The following SLC25A23 variants were observed in gnomAD, a reference collection of about 807,000 sequenced individuals.
SLC25A23 encodes the protein mitochondrial adenyl nucleotide antiporter SLC25A23.
A neutral mutation model predicts 53.9 loss-of-function variants in SLC25A23; 32 were observed. The ratio of observed to expected loss-of-function variants is 0.59; its 90% CI spans 0.45 to 0.80. SLC25A23 has a LOEUF of 0.80. Among genes scored for constraint, SLC25A23 ranks in the 30% least tolerant of loss-of-function variants. The pLI is 0.00. For missense variants in SLC25A23, 575 were observed against 651.4 expected (o/e 0.88, Z 1.28); for synonymous variants, 275 against 264.5 (o/e 1.04, Z -0.38).
rs1342864992 is a variant in SLC25A23 at position 6,459,533 on chromosome 19, G to A, written c.96C>T (p.His32=). 3 of 1,598,814 alleles carry A rather than the reference G, an allele frequency of 1.9e-6. No homozygotes were observed. In the South Asian group the frequency reaches 3.3e-5, roughly 18 times the overall value. ...GCCTGGCCAGCCCCTGGCGCAACTC[G>A]TGCACGTCCACGCGGCCATCCTTGT... ...DSNKDGRVDV[H]ELRQGLARLG... is the part of the protein sequence containing the mutation. The change falls in exon 1 of 10, where the codon CAC becomes CAT. Residue 32 remains histidine, a synonymous_variant. Transcript: ENST00000301454. The surrounding 1 kb of genome is among the most constrained non-coding windows in gnomAD (Gnocchi z 4.6).
chr19:6,449,256 T>A (rs2092551740), intron 8 of SLC25A23, among the ~76,000 whole-genome samples: 1 of 109,878 alleles, frequency 9.1e-6, no homozygotes, highest in African/African-American at 6.1e-5. Flanking sequence ...TCTTTCTTTC[T>A]TTTTTTTTTT....
At chr19:6,448,556 C>T (rs866691443) in intron 8 of SLC25A23, among the ~76,000 whole-genome samples, 1 of 151,794 alleles carries the variant, frequency 6.6e-6, no homozygotes, top group African/African-American at 2.4e-5. Context: ...CAGCAAACTC[C>T]GCCTCCTGGG....
chr19:6,455,932 G>T, intron 4 of SLC25A23: 1 of 945,292 alleles, frequency 1.1e-6, no homozygotes, highest in Non-Finnish European at 1.5e-6. Flanking sequence ...TGTTAGCCAG[G>T]ATGGTCGCGA....
chr19:6,444,219 A>G lies in SLC25A23; in HGVS notation c.1154T>C (p.Ile385Thr), dbSNP rs1355896621. 6.3e-7 allele frequency: 1 copy of G among 1,592,254 alleles called. No homozygotes were observed. Among genetic ancestry groups the G allele is most frequent in the East Asian group, 2.3e-5 (1 of 43,648 alleles). The change falls in exon 9 of 10, where the codon ATA (isoleucine) becomes ACA (threonine). Residue 385 changes from isoleucine (I) to threonine (T), a missense_variant. Ile to Thr is a moderately conservative substitution (Grantham distance 89). Transcript: ENST00000301454. ...GGCTATCTGGCCGCAGGTGCTGGAT[A>G]TGGTACCGCAGGCCAGGAGCACGAG... ...GILVLLACGT[I>T]SSTCGQIASY...
intron 7 of SLC25A23, 69 bp from the exon 8 acceptor site, chr19:6,452,548 C>G (rs2092608148): frequency 6.6e-7 from 1 of 1,508,448 alleles, no homozygotes; most frequent in African/African-American, 1.4e-5. Context: ...ATGAAGACAC[C>G]TAGAAATAGC....
chr19:6,449,259 T>C (rs560128361), intron 8 of SLC25A23, among the ~76,000 whole-genome samples: 28 of 150,982 alleles, frequency 1.9e-4, no homozygotes, highest in Admixed American at 1.1e-3. Context: ...TTCTTTCTTT[T>C]TTTTTTTTTT....
chr19:6,442,602 G>A (rs936080441), intron 9 of SLC25A23, among the ~76,000 whole-genome samples: 2 of 152,172 alleles, frequency 1.3e-5, no homozygotes, highest in African/African-American at 2.4e-5. Flanking sequence ...AGGCTGGAGT[G>A]CAATGGTGCA....
intron 8 of SLC25A23, among the ~76,000 whole-genome samples, chr19:6,451,044 T>C (rs1280708857): frequency 1.2e-3 from 159 of 128,044 alleles, no homozygotes; most frequent in Middle Eastern, 6.1e-3. Context: ...CGCCACTGCA[T>C]TCCAGCCTGG....
chr19:6,456,355 C>T (rs1244578981), intron 4 of SLC25A23, 65 bp downstream of exon 4: 23 of 1,505,844 alleles, frequency 1.5e-5, no homozygotes, highest in South Asian at 9.2e-5. Flanking sequence ...CTGGGGAGAT[C>T]GGAGCAAGGC....
Position 6,458,260 on chromosome 19 carries a change from T to G in SLC25A23, c.221A>C (p.Tyr74Ser), listed in dbSNP as rs748793177. 50 of 1,613,484 alleles carry G rather than the reference T, an allele frequency of 3.1e-5. No homozygotes were observed. Among genetic ancestry groups the G allele is most frequent in the Non-Finnish European group, 3.9e-5 (46 of 1,179,966 alleles). ...CAGACGCTGTTCCCGCTCCTGCAGATAGCGGGAAAATTCCTCCAGGTCGAG... is the reference window on the plus strand; with the variant it reads ...CAGACGCTGTTCCCGCTCCTGCAGAGAGCGGGAAAATTCCTCCAGGTCGAG... ...GGLDLEEFSR[Y>S]LQEREQRLLL... The change falls in exon 2 of 10, where the codon TAT (tyrosine) becomes TCT (serine). Residue 74 changes from tyrosine (Y) to serine (S), a missense_variant. Transcript: ENST00000301454.
At chr19:6,447,564 AC>A (rs2092524656) in intron 8 of SLC25A23, among the ~76,000 whole-genome samples, 1 of 152,014 alleles carries the variant, frequency 6.6e-6, no homozygotes, top group Non-Finnish European at 1.5e-5. Flanking sequence ...GCTCACTGCA[AC>A]CCCACCTCCC....
chr19:6,444,701 T>A (rs1266201445), intron 8 of SLC25A23, among the ~76,000 whole-genome samples: 1 of 152,084 alleles, frequency 6.6e-6, no homozygotes, highest in Non-Finnish European at 1.5e-5. Context: ...GAAGTCTTGC[T>A]CTGTTGCCCA....
intron 2 of SLC25A23, among the ~76,000 whole-genome samples, chr19:6,457,795 G>T (rs1345732359): frequency 6.6e-6 from 1 of 151,744 alleles, no homozygotes; most frequent in East Asian, 1.9e-4. Flanking sequence ...TACTGGGGGG[G>T]CTTCTCTGTT....
intron 2 of SLC25A23, 66 bp from the exon 3 acceptor site, chr19:6,457,656 A>C: frequency 7.1e-7 from 1 of 1,407,812 alleles, no homozygotes; most frequent in Non-Finnish European, 1.0e-6. Flanking sequence ...CCCAGGACCA[A>C]GGATCAGAAC....
At chr19:6,451,052 T>C (rs2092581147) in intron 8 of SLC25A23, among the ~76,000 whole-genome samples, 1 of 146,738 alleles carries the variant, frequency 6.8e-6, no homozygotes, top group South Asian at 2.2e-4. Context: ...CATTCCAGCC[T>C]GGGCGACAGA....
At chr19:6,444,338 G>A in intron 8 of SLC25A23, 37 bp from the exon 9 acceptor site, 5 of 1,496,052 alleles carry the variant, frequency 3.3e-6, no homozygotes, top group Non-Finnish European at 4.6e-6. Flanking sequence ...GTTGGGGTGG[G>A]TGACCCTAGG....
chr19:6,445,502 T>C (rs572118680), intron 8 of SLC25A23, among the ~76,000 whole-genome samples: 2 of 152,208 alleles, frequency 1.3e-5, no homozygotes, highest in South Asian at 4.1e-4. Flanking sequence ...GCTTTGAAGA[T>C]GGAAGAAGGG....
chr19:6,453,603 G>GA (rs1490774872), intron 7 of SLC25A23, among the ~76,000 whole-genome samples: 2 of 152,090 alleles, frequency 1.3e-5, no homozygotes, highest in Non-Finnish European at 2.9e-5. Flanking sequence ...CCTGAAACCT[G>GA]AAATAATTTA....
In SLC25A23 at chr19:6,459,177, T is replaced by C. The variant is rs536846387; in HGVS notation, c.156+296A>G. On this transcript the variant is annotated intron_variant, in intron 1 of 9. Coordinates refer to ENST00000301454, the MANE Select transcript of SLC25A23 (RefSeq NM_024103.3). This position sits in a 1 kb window ranked among gnomAD's most constrained non-coding sequence, Gnocchi z 4.6. ...GGGCTGTGCAGTCTGGAGGAGGGTGTGTCCCGGGCAGTGGGCAGGAAAGCG... is the reference window on the plus strand; with the variant it reads ...GGGCTGTGCAGTCTGGAGGAGGGTGCGTCCCGGGCAGTGGGCAGGAAAGCG... 1.5e-4 allele frequency among the ~76,000 whole-genome samples: 23 copies of C among 152,028 alleles called. No homozygotes were observed. The highest frequency in any genetic ancestry group is 5.6e-4 in the African/African-American group (23 of 41,398).
Sources: allele counts gnomAD v4.1 joint callset (sites outside exome capture counted in the v4.1 genomes callset), GRCh38; gene constraint gnomAD v4.1.1; non-coding constraint Gnocchi (gnomAD v3.1); transcripts MANE v1.5; gene names NCBI Gene and HGNC (gene_info 2026-07-23, HGNC 2026-07-21).